KLF17: variants seen among roughly 807,000 people sequenced by gnomAD.
KLF17 encodes KLF transcription factor 17.
KLF17 carries 31 observed loss-of-function variants against 34.2 expected under a neutral mutation model. That is an observed-to-expected ratio of 0.91 (90% CI 0.68 to 1.22). The LOEUF is 1.22. Ranked by LOEUF, KLF17 falls within the 50% of genes most tolerant of loss-of-function variation. KLF17 has a pLI of 0.00. For synonymous variants in KLF17, 179 were observed against 186.7 expected (o/e 0.96, Z 0.34); for missense variants, 478 against 505.2 (o/e 0.95, Z 0.52).
At chr1:44,117,819 G>C (rs1352512413), upstream of KLF17, among the ~76,000 whole-genome samples, 1 of 152,068 alleles carries the variant, frequency 6.6e-6, no homozygotes, top group Admixed American at 6.6e-5. Context: ...TTTCTAACTG[G>C]TGTCTCTGCA....
chr1:44,085,292 C>T, the KLF17 span, among the ~76,000 whole-genome samples: 2 of 151,918 alleles, frequency 1.3e-5, no homozygotes, highest in African/African-American at 4.8e-5. Flanking sequence ...GTCACACCTA[C>T]AGAGAGAAAT....
chr1:44,082,295 TATC>T, the KLF17 span, among the ~76,000 whole-genome samples: 1 of 152,222 alleles, frequency 6.6e-6, no homozygotes, highest in African/African-American at 2.4e-5. Flanking sequence ...CTCAGGGAAA[TATC>T]ATAAGGATTA....
the KLF17 span, among the ~76,000 whole-genome samples, chr1:44,066,310 C>T: frequency 1.3e-5 from 2 of 150,876 alleles, no homozygotes; most frequent in South Asian, 2.1e-4. Context: ...CAGAGTGAGA[C>T]CTTTCCTCAA....
the KLF17 span, among the ~76,000 whole-genome samples, chr1:44,069,461 T>C: frequency 1.5e-4 from 20 of 135,274 alleles, no homozygotes; most frequent in African/African-American, 5.5e-4. The surrounding 1 kb of genome is among the most constrained non-coding windows in gnomAD (Gnocchi z 4.7). Context: ...AGCCAGTGTG[T>C]TACATGGCGA....
the KLF17 span, among the ~76,000 whole-genome samples, chr1:44,065,766 TA>T: frequency 6.6e-6 from 1 of 152,084 alleles, no homozygotes. Flanking sequence ...TTAGAAGAAA[TA>T]AAAATACATG....
In KLF17 at chr1:44,130,603, A is replaced by G. The variant is rs1488464804; in HGVS notation, c.1017A>G (p.Arg339=). 6.2e-7 allele frequency: 1 copy of G among 1,613,952 alleles called. No homozygotes were observed. The highest frequency in any genetic ancestry group is 1.3e-5 in the African/African-American group (1 of 74,872). The part of the protein sequence containing the change: ...ELRRHMRVHT[R]YRPYKCDQCS... ...GACGACATATGCGGGTACACACCAGATATCGACCATATAAATGTGATCAGT... is the reference window on the plus strand; with the variant it reads ...GACGACATATGCGGGTACACACCAGGTATCGACCATATAAATGTGATCAGT... Residue 339 remains arginine, a synonymous_variant, in exon 3 of 4, where the codon AGA becomes AGG. Coordinates refer to ENST00000372299, the MANE Select transcript of KLF17 (RefSeq NM_173484.4).
At chr1:44,086,985 T>A in the KLF17 span, among the ~76,000 whole-genome samples, 1 of 152,200 alleles carries the variant, frequency 6.6e-6, no homozygotes, top group African/African-American at 2.4e-5. Context: ...TTTAAAGCAG[T>A]CCAGTCAACA....
the KLF17 span, among the ~76,000 whole-genome samples, chr1:44,049,384 TC>T: frequency 3.3e-5 from 5 of 152,308 alleles, no homozygotes; most frequent in East Asian, 9.6e-4. Context: ...TACCTCCCAA[TC>T]CCAGCCCTCT....
intron 2 of KLF17, 39 bp downstream of exon 2, chr1:44,130,235 TCTGGGCTTTAGATTTGTC>T: frequency 1.3e-6 from 2 of 1,568,360 alleles, no homozygotes; most frequent in Middle Eastern, 1.7e-4. Flanking sequence ...TGGAGGAGTC[TCTGGGCTTTAGATTTGTC>T]CTGGGCCACT....
the KLF17 span, among the ~76,000 whole-genome samples, chr1:44,080,322 C>T: frequency 8.9e-4 from 133 of 150,280 alleles, 1 homozygote; most frequent in East Asian, 0.019. Flanking sequence ...CACTGCAAGC[C>T]CCGCCTCCCG....
intron 1 of KLF17, among the ~76,000 whole-genome samples, chr1:44,119,687 A>G (rs1215688376): frequency 6.6e-6 from 1 of 152,172 alleles, no homozygotes; most frequent in Non-Finnish European, 1.5e-5. Flanking sequence ...AAAGGTTCCC[A>G]GGTCTGAGAC....
upstream of KLF17, chr1:44,114,312 C>A (rs1048575518): frequency 6.6e-5 from 10 of 152,260 alleles, no homozygotes; most frequent in African/African-American, 2.4e-4. Flanking sequence ...TAATCCCAGA[C>A]CTTGAGTCCA....
chr1:44,079,916 C>T, the KLF17 span, among the ~76,000 whole-genome samples: 2 of 151,524 alleles, frequency 1.3e-5, no homozygotes, highest in Non-Finnish European at 2.9e-5. Flanking sequence ...CTGCACTAAT[C>T]CCTCCATGTC....
upstream of KLF17, chr1:44,117,533 T>G (rs2087893320): frequency 1.3e-5 from 2 of 152,002 alleles, no homozygotes; most frequent in South Asian, 4.2e-4. Context: ...TTTGCTCTTG[T>G]TGCCCAGGCT....
intron 1 of KLF17, 103 bp downstream of exon 1, chr1:44,119,091 C>T: frequency 1.3e-6 from 1 of 771,234 alleles, no homozygotes; most frequent in Non-Finnish European, 2.0e-6. Context: ...AAGCAGAAAC[C>T]CGAGGGGTAG....
intron 1 of KLF17, 50 bp downstream of exon 1, chr1:44,119,038 G>A: frequency 4.1e-6 from 6 of 1,464,890 alleles, no homozygotes; most frequent in African/African-American, 1.4e-5. Context: ...AGGCTAGGGG[G>A]CGGCGGGGAG....
At chr1:44,090,215 G>A in the KLF17 span, among the ~76,000 whole-genome samples, 1 of 143,768 alleles carries the variant, frequency 7.0e-6, no homozygotes, top group South Asian at 2.2e-4. Flanking sequence ...AAATCTGCTG[G>A]CCAGGTGCTG....
the KLF17 span, among the ~76,000 whole-genome samples, chr1:44,064,512 A>C: frequency 6.6e-6 from 1 of 152,214 alleles, no homozygotes; most frequent in Non-Finnish European, 1.5e-5. Context: ...CAAATCTGCT[A>C]TTCAACTATG....
At chr1:44,100,515 GA>G in the KLF17 span, among the ~76,000 whole-genome samples, 1 of 152,130 alleles carries the variant, frequency 6.6e-6, no homozygotes, top group Non-Finnish European at 1.5e-5. Flanking sequence ...AGAAACAAAT[GA>G]AACAAAATGT....
Sources: allele counts gnomAD v4.1 joint callset (sites outside exome capture counted in the v4.1 genomes callset), GRCh38; gene constraint gnomAD v4.1.1; non-coding constraint Gnocchi (gnomAD v3.1); transcripts MANE v1.5; gene names NCBI Gene and HGNC (gene_info 2026-07-23, HGNC 2026-07-21).